SEMA6D: variants seen among roughly 807,000 people sequenced by gnomAD.
SEMA6D encodes the protein semaphorin 6D.
A neutral mutation model predicts 106.6 loss-of-function variants in SEMA6D; 35 were observed. The ratio of observed to expected loss-of-function variants is 0.33; its 90% confidence interval spans 0.25 to 0.44. The LOEUF (loss-of-function observed/expected upper bound fraction) is 0.44. Ranked by LOEUF, SEMA6D falls within the 20% of genes least tolerant of loss-of-function variation. The pLI is 1.00. For synonymous variants in SEMA6D, 499 were observed against 487.7 expected (o/e 1.02, Z -0.31); for missense variants, 1,185 against 1,345.9 (o/e 0.88, Z 1.87).
chr15:47,730,252 G>C lies in SEMA6D; in HGVS notation c.-55+12560G>C, dbSNP rs188539770. On this transcript the variant is annotated intron_variant, in intron 1 of 18. Coordinates refer to ENST00000536845, the MANE Select transcript of SEMA6D (RefSeq NM_001358351.3). ...CGCCCCAGTGACGGCGGATCTCATC[G>C]TATCTGTCGTTGTAATTGGTCCTGA... 4.0e-3 allele frequency: 6,202 copies of C among 1,538,792 alleles called. 39 individuals carry two copies. The highest frequency in any genetic ancestry group is 0.03 in the Middle Eastern group (129 of 4,338).
intron 3 of SEMA6D, among the ~76,000 whole-genome samples, chr15:47,599,378 T>C (rs1052717172): frequency 1.6e-4 from 24 of 151,806 alleles, no homozygotes; most frequent in African/African-American, 5.6e-4. Context: ...TTCCAGAAAG[T>C]AGTTTTACCA....
chr15:47,763,548 C>T (rs1360752319), intron 9 of SEMA6D, among the ~76,000 whole-genome samples: 1 of 152,154 alleles, frequency 6.6e-6, no homozygotes, highest in African/African-American at 2.4e-5. Flanking sequence ...TGACATGTTT[C>T]ATTAACAATA....
intron 1 of SEMA6D, among the ~76,000 whole-genome samples, chr15:47,321,625 G>A (rs930603887): frequency 6.6e-6 from 1 of 152,126 alleles, no homozygotes; most frequent in African/African-American, 2.4e-5. Flanking sequence ...TTGAAGAAGT[G>A]TTAGTTCTTT....
In SEMA6D at chr15:47,551,984, T is replaced by C. The variant is rs1048468592; in HGVS notation, c.-86-48881T>C. Among the ~76,000 whole-genome samples the C allele has an allele frequency of 4.6e-5, 7 of 151,904 alleles. 1 individual carries two copies. The highest frequency in any genetic ancestry group is 1.3e-4 in the Admixed American group (2 of 15,146). ...GCTACCAAATTAAAAGTGCATGCAT[T>C]TTGACCTGGTAATCCCACTTGTGGG... On this transcript the variant is annotated intron_variant, in intron 3 of 19. Coordinates refer to the SEMA6D transcript ENST00000558014.
At chr15:47,761,860 G>C (rs2082077502) in intron 7 of SEMA6D, 109 bp downstream of exon 7, 1 of 954,690 alleles carries the variant, frequency 1.0e-6, no homozygotes, top group Non-Finnish European at 1.6e-6. Flanking sequence ...CTTGATCTAA[G>C]TGTTCGAAAG....
chr15:47,190,544 CCTTT>C (rs1247406149), intron 1 of SEMA6D, among the ~76,000 whole-genome samples: 1 of 152,112 alleles, frequency 6.6e-6, no homozygotes, highest in Non-Finnish European at 1.5e-5. Context: ...CCAAGTTTGG[CCTTT>C]CTTTATTCCA....
At chr15:47,506,013 C>T (rs761774268) in intron 3 of SEMA6D, among the ~76,000 whole-genome samples, 5 of 152,032 alleles carry the variant, frequency 3.3e-5, no homozygotes, top group Non-Finnish European at 5.9e-5. Flanking sequence ...TTTTGATCTG[C>T]TAGAAACTCT....
chr15:47,391,663 T>TTC (rs2040037798), intron 1 of SEMA6D, among the ~76,000 whole-genome samples: 1 of 151,946 alleles, frequency 6.6e-6, no homozygotes, highest in South Asian at 2.1e-4. Flanking sequence ...CTATTGATTT[T>TTC]TTTTTTTTTT....
intron 3 of SEMA6D, among the ~76,000 whole-genome samples, chr15:47,531,776 A>T (rs1290532746): frequency 6.6e-6 from 1 of 152,182 alleles, no homozygotes; most frequent in Admixed American, 6.6e-5. Flanking sequence ...CTCTTCCTGC[A>T]GTCTCCCCCA....
chr15:47,409,115 C>A (rs1015537273), intron 1 of SEMA6D, among the ~76,000 whole-genome samples: 1 of 152,204 alleles, frequency 6.6e-6, no homozygotes, highest in African/African-American at 2.4e-5. Context: ...TGGAACACTT[C>A]CTGAAGACAC....
intron 3 of SEMA6D, among the ~76,000 whole-genome samples, chr15:47,582,313 C>T (rs1431052459): frequency 1.3e-5 from 2 of 152,164 alleles, no homozygotes; most frequent in African/African-American, 4.8e-5. Flanking sequence ...CAGTGGATTA[C>T]GAGGCCACAC....
intron 4 of SEMA6D, among the ~76,000 whole-genome samples, chr15:47,712,188 A>C (rs1010535553): frequency 1.4e-4 from 21 of 152,338 alleles, no homozygotes; most frequent in Non-Finnish European, 2.5e-4. Context: ...ACAAGCAAAA[A>C]TTATTAAAAA....
intron 1 of SEMA6D, among the ~76,000 whole-genome samples, chr15:47,353,639 A>G (rs1451010905): frequency 6.6e-6 from 1 of 152,164 alleles, no homozygotes; most frequent in East Asian, 1.9e-4. Context: ...AAATTTTAAT[A>G]TCTGATCTTC....
chr15:47,495,917 A>G (rs991700084), intron 3 of SEMA6D, among the ~76,000 whole-genome samples: 1 of 152,030 alleles, frequency 6.6e-6, no homozygotes, highest in Admixed American at 6.6e-5. Flanking sequence ...AGATCTTCCT[A>G]ATACTCTTAA....
chr15:47,740,142 C>T (rs1233280773), intron 1 of SEMA6D, among the ~76,000 whole-genome samples: 1 of 152,150 alleles, frequency 6.6e-6, no homozygotes, highest in Non-Finnish European at 1.5e-5. Context: ...CCAGGAACTC[C>T]TGAGGGTTTC....
At chr15:47,569,057 C>T (rs1020054556) in intron 3 of SEMA6D, among the ~76,000 whole-genome samples, 1 of 152,014 alleles carries the variant, frequency 6.6e-6, no homozygotes, top group African/African-American at 2.4e-5. Flanking sequence ...GGGCTTCAGG[C>T]TTTAGAACCC....
At chr15:47,347,022 C>T (rs1345809789) in intron 1 of SEMA6D, among the ~76,000 whole-genome samples, 2 of 152,070 alleles carry the variant, frequency 1.3e-5, no homozygotes, top group Admixed American at 6.6e-5. Context: ...GATTCTTGCA[C>T]CTCAACCTCC....
rs75715335 is a variant in SEMA6D, at chr15:47,447,406, A to T, written c.-158-23068A>T. 8.9e-3 allele frequency among the ~76,000 whole-genome samples: 1,360 copies of T among 152,152 alleles called. 20 individuals are homozygous for T. The highest frequency in any genetic ancestry group is 0.031 in the African/African-American group (1,307 of 41,534). On this transcript the variant is annotated intron_variant, in intron 2 of 19. Coordinates refer to the SEMA6D transcript ENST00000558014. The stretch of plus-strand genomic sequence containing the variant: ...GTCTGTCACCAATGGCCAATGATTT[A>T]ATCAATCATGCCTATGCAATGAAGC...
At chr15:47,688,767 A>G (rs1005184280) in intron 4 of SEMA6D, among the ~76,000 whole-genome samples, 92 of 152,308 alleles carry the variant, frequency 6.0e-4, no homozygotes, top group African/African-American at 2.2e-3. Flanking sequence ...CAGTTTCTTC[A>G]CTGAAAGATG....
Sources: allele counts gnomAD v4.1 joint callset (sites outside exome capture counted in the v4.1 genomes callset), GRCh38; gene constraint gnomAD v4.1.1; transcripts MANE v1.5; gene names NCBI Gene and HGNC (gene_info 2026-07-23, HGNC 2026-07-21).